The following COL22A1 variants were observed in gnomAD, a reference collection of about 807,000 sequenced individuals.
COL22A1 encodes collagen alpha-1(XXII) chain.
In COL22A1, 221 loss-of-function variants were observed where a neutral mutation model predicts 248.9. The observed-to-expected ratio is 0.89, with a 90% CI of 0.80 to 0.99. The LOEUF is 0.99. COL22A1 is among the 50% of genes least tolerant of loss of function. COL22A1 has a pLI of 0.00. For missense variants in COL22A1, 2,240 were observed against 2,179.0 expected, an observed-to-expected ratio of 1.03 and a Z score of -0.56; for synonymous variants, 891 against 793.4, an observed-to-expected ratio of 1.12 and a Z score of -2.07.
At chr8:138,867,348 C>G (rs754190476) in intron 3 of COL22A1, among the ~76,000 whole-genome samples, 22 of 152,194 alleles carry the variant, frequency 1.4e-4, no homozygotes, top group Non-Finnish European at 2.8e-4. Flanking sequence ...GCTCAACTCC[C>G]TCTCTGTGAC....
At chr8:138,848,346 C>T (rs80356333) in intron 3 of COL22A1, among the ~76,000 whole-genome samples, 5 of 152,272 alleles carry the variant, frequency 3.3e-5, no homozygotes, top group Non-Finnish European at 5.9e-5. Context: ...ACACAGCATG[C>T]GTTCCTTCTC....
chr8:138,622,377 A>T (rs1253060846), intron 52 of COL22A1, among the ~76,000 whole-genome samples: 1 of 152,192 alleles, frequency 6.6e-6, no homozygotes, highest in African/African-American at 2.4e-5. Context: ...CCTGGGAAGG[A>T]GTGGGGCCAG....
intron 3 of COL22A1, among the ~76,000 whole-genome samples, chr8:138,844,881 C>T (rs560771999): frequency 6.2e-5 from 9 of 144,732 alleles, no homozygotes; most frequent in South Asian, 4.4e-4. Context: ...ATCCGGGAGG[C>T]GGAGCTTGCA....
At chr8:138,613,245 T>C (rs1318026368) in intron 56 of COL22A1, among the ~76,000 whole-genome samples, 23 of 89,502 alleles carry the variant, frequency 2.6e-4, no homozygotes, top group African/African-American at 6.2e-4. Context: ...GAGACTCCGT[T>C]TCAAAAAAAA....
At chr8:138,686,244 C>G (rs189059123) in intron 37 of COL22A1, among the ~76,000 whole-genome samples, 5 of 152,080 alleles carry the variant, frequency 3.3e-5, no homozygotes. Flanking sequence ...GCACCGGGGT[C>G]GGCTTGAGGA....
intron 41 of COL22A1, among the ~76,000 whole-genome samples, chr8:138,671,918 AT>A (rs1392440798): frequency 5.3e-5 from 8 of 152,010 alleles, no homozygotes; most frequent in Non-Finnish European, 7.4e-5. Flanking sequence ...ATAGTATATA[AT>A]ACATATAACA....
chr8:138,742,649 G>A lies in COL22A1; in HGVS notation c.2086-5072C>T, dbSNP rs564922294. Among the ~76,000 whole-genome samples, 185 of 151,424 alleles carry A rather than the reference G, an allele frequency of 1.2e-3. 1 individual carries two copies. The highest frequency in any genetic ancestry group is 4.4e-3 in the African/African-American group (180 of 41,166). On this transcript the variant is annotated intron_variant, in intron 22 of 64. Coordinates refer to ENST00000303045, the MANE Select transcript of COL22A1 (RefSeq NM_152888.3). ...GGTAGTGATTGTGATGGTGATGGTG[G>A]AGTTGATGGTGATGGTGGTAGTGAT...
rs973083583 is a variant in COL22A1, at chr8:138,811,941, G to A, written c.1327-20C>T. 7 of 1,527,692 alleles carry A rather than the reference G, an allele frequency of 4.6e-6. No individual in the cohort carries two copies. The highest frequency in any genetic ancestry group is 6.2e-6 in the Non-Finnish European group (7 of 1,136,190). 94.6% of individuals were successfully genotyped at this position (1,527,692 alleles called of 1,614,324 possible). On this transcript the variant is annotated intron_variant, in intron 8 of 64. Coordinates refer to ENST00000303045, the MANE Select transcript of COL22A1 (RefSeq NM_152888.3). ...CTGGCACTGGAAGGAAAGCCCAGGA[G>A]GTCAGAACCTGGCTCTTCACTCAGC...
At chr8:138,618,839 T>C (rs925495898) in intron 53 of COL22A1, among the ~76,000 whole-genome samples, 1 of 152,148 alleles carries the variant, frequency 6.6e-6, no homozygotes, top group African/African-American at 2.4e-5. Context: ...AACCCTAAAA[T>C]ACATAGAGTT....
intron 19 of COL22A1, 31 bp downstream of exon 19, chr8:138,755,754 G>A (rs771502744): frequency 6.2e-7 from 1 of 1,611,546 alleles, no homozygotes; most frequent in Non-Finnish European, 8.5e-7. Context: ...ACCAGCACCT[G>A]CATCCATGAT....
chr8:138,894,936 G>A (rs1825298342), intron 1 of COL22A1, among the ~76,000 whole-genome samples: 1 of 151,986 alleles, frequency 6.6e-6, no homozygotes, highest in African/African-American at 2.4e-5. Flanking sequence ...GTACATGCCT[G>A]TAGTCCCAGC....
intron 35 of COL22A1, among the ~76,000 whole-genome samples, chr8:138,691,235 A>G (rs1231094564): frequency 2.0e-5 from 3 of 152,252 alleles, no homozygotes; most frequent in Non-Finnish European, 2.9e-5. Context: ...GTGCATGAGG[A>G]AAAGGAAACA....
At chr8:138,866,464 T>C (rs868519036) in intron 3 of COL22A1, among the ~76,000 whole-genome samples, 3 of 152,246 alleles carry the variant, frequency 2.0e-5, no homozygotes, top group Non-Finnish European at 4.4e-5. Flanking sequence ...TGTCTATGTT[T>C]AGGTGTATGT....
At chr8:138,892,233 G>A (rs151327401) in intron 1 of COL22A1, among the ~76,000 whole-genome samples, 1 of 152,334 alleles carries the variant, frequency 6.6e-6, no homozygotes, top group East Asian at 1.9e-4. Context: ...AGAAATAAAT[G>A]GAGTGTTCAT....
intron 51 of COL22A1, 40 bp from the exon 52 acceptor site, chr8:138,623,825 A>C (rs1820028011): frequency 6.4e-7 from 1 of 1,569,564 alleles, no homozygotes; most frequent in Non-Finnish European, 8.7e-7. Flanking sequence ...GTCAAAGAAG[A>C]TTCGAGGGGA....
chr8:138,846,655 G>A (rs537771360), intron 3 of COL22A1, among the ~76,000 whole-genome samples: 2 of 152,286 alleles, frequency 1.3e-5, no homozygotes, highest in African/African-American at 2.4e-5. Context: ...GCTTGGCAAG[G>A]AGGTAGGGTT....
At chr8:138,878,863 CCA>C (rs1373549051) in intron 2 of COL22A1, among the ~76,000 whole-genome samples, 1 of 152,076 alleles carries the variant, frequency 6.6e-6, no homozygotes, top group Non-Finnish European at 1.5e-5. Flanking sequence ...AAAAAATTAG[CCA>C]GCAGAGGTGG....
intron 4 of COL22A1, among the ~76,000 whole-genome samples, chr8:138,833,886 G>A (rs555370786): frequency 6.6e-6 from 1 of 152,082 alleles, no homozygotes; most frequent in Non-Finnish European, 1.5e-5. Flanking sequence ...CAGGAGTCTT[G>A]GGTACTTCAC....
At chr8:138,754,682 A>G (rs1832852963) in intron 21 of COL22A1, among the ~76,000 whole-genome samples, 2 of 152,162 alleles carry the variant, frequency 1.3e-5, no homozygotes, top group Non-Finnish European at 2.9e-5. Flanking sequence ...GGTGATTTAC[A>G]TATCATTAAA....
Sources: allele counts gnomAD v4.1 joint callset (sites outside exome capture counted in the v4.1 genomes callset), GRCh38; gene constraint gnomAD v4.1.1; transcripts MANE v1.5; gene names NCBI Gene and HGNC (gene_info 2026-07-23, HGNC 2026-07-21).